CTNNA2: variants seen among roughly 807,000 people sequenced by gnomAD.
The protein encoded by CTNNA2 is catenin alpha-2.
In CTNNA2, 42 loss-of-function variants were observed where a neutral mutation model predicts 101.0. The observed-to-expected ratio is 0.42, with a 90% confidence interval of 0.32 to 0.54. The LOEUF is 0.54. Among genes scored for constraint, CTNNA2 ranks in the 20% least tolerant of loss-of-function variants. CTNNA2 has a pLI of 0.14. For synonymous variants in CTNNA2, 450 were observed against 456.4 expected (o/e 0.99, Z 0.18); for missense variants, 871 against 1,223.1 (o/e 0.71, Z 4.29).
At chr2:79,728,293 C>T (rs1686986813) in intron 2 of CTNNA2, among the ~76,000 whole-genome samples, 1 of 152,116 alleles carries the variant, frequency 6.6e-6, no homozygotes, top group African/African-American at 2.4e-5. Context: ...GATGGTATCT[C>T]ATTGTGGTTT....
At position 79,195,293 on chromosome 2, in the gene CTNNA2, C is replaced by T. The variant is rs193065576; in HGVS notation, c.-523-2666C>T. On this transcript the variant is annotated intron_variant, in intron 1 of 21. Coordinates refer to the CTNNA2 transcript ENST00000466387. ...ATAGCACCAAATGCAGAAATGGGAC[C>T]CTTTTCAGAATATTTCATCAGGAAC... is the stretch of plus-strand genomic sequence containing the variant. Among the ~76,000 whole-genome samples the T allele has an allele frequency of 2.6e-5, 4 of 152,248 alleles. 1 individual carries two copies. The highest frequency in any genetic ancestry group is 2.6e-4 in the Admixed American group (4 of 15,290).
intron 7 of CTNNA2, among the ~76,000 whole-genome samples, chr2:80,140,181 G>C (rs139671013): frequency 2.0e-5 from 3 of 152,182 alleles, no homozygotes; most frequent in African/African-American, 7.2e-5. Context: ...AGTCAGGCAC[G>C]AAAGTGTTAA....
At chr2:80,016,723 G>T (rs529129441) in intron 7 of CTNNA2, among the ~76,000 whole-genome samples, 1 of 152,156 alleles carries the variant, frequency 6.6e-6, no homozygotes, top group East Asian at 1.9e-4. Flanking sequence ...TCTTTTGGTT[G>T]GTTTGTTTTT....
chr2:79,334,825 T>G (rs2104421844), intron 3 of CTNNA2, among the ~76,000 whole-genome samples: 1 of 152,274 alleles, frequency 6.6e-6, no homozygotes, highest in Non-Finnish European at 1.5e-5. Context: ...AAAAGCACTT[T>G]CTATGTATCT....
chr2:79,404,627 C>G (rs995689408), intron 4 of CTNNA2, among the ~76,000 whole-genome samples: 2 of 151,930 alleles, frequency 1.3e-5, no homozygotes, highest in Non-Finnish European at 2.9e-5. Flanking sequence ...TTCTAAAGTC[C>G]AAAAATTCCT....
intron 7 of CTNNA2, among the ~76,000 whole-genome samples, chr2:80,081,831 T>C (rs1699173769): frequency 6.6e-6 from 1 of 151,878 alleles, no homozygotes; most frequent in Non-Finnish European, 1.5e-5. Flanking sequence ...ACCAACAACA[T>C]AGCCAAGTAT....
At chr2:80,483,312 C>A (rs956652818) in intron 9 of CTNNA2, among the ~76,000 whole-genome samples, 1 of 150,786 alleles carries the variant, frequency 6.6e-6, no homozygotes, top group Non-Finnish European at 1.5e-5. Flanking sequence ...CATTTTATAT[C>A]TTTTAATCAG....
chr2:79,963,713 C>A (rs1417567121), intron 7 of CTNNA2, among the ~76,000 whole-genome samples: 1 of 152,166 alleles, frequency 6.6e-6, no homozygotes, highest in Non-Finnish European at 1.5e-5. Context: ...AAACAATGGG[C>A]TAAGTAATTA....
At chr2:80,523,207 A>G (rs772015588) in intron 9 of CTNNA2, among the ~76,000 whole-genome samples, 1 of 152,186 alleles carries the variant, frequency 6.6e-6, no homozygotes, top group African/African-American at 2.4e-5. Flanking sequence ...AATCTTGAAC[A>G]TGTCAAGCAG....
rs555036631 is a variant in CTNNA2 at position 80,139,484 on chromosome 2, G to A, written c.1056+229687G>A. On this transcript the variant is annotated intron_variant, in intron 7 of 18. Coordinates refer to ENST00000402739, the MANE Select transcript of CTNNA2 (RefSeq NM_001282597.3). ...CACAACACCAAGATTTTACTGCTTAGGATCTGTCTGTAAAGGCAATGGAGA... is the reference window on the plus strand; with the variant it reads ...CACAACACCAAGATTTTACTGCTTAAGATCTGTCTGTAAAGGCAATGGAGA... Among the ~76,000 whole-genome samples the A allele has an allele frequency of 3.3e-5, 5 of 152,040 alleles. No homozygotes were observed. The South Asian group carries it at 8.3e-4, about 25-fold the overall frequency.
chr2:79,957,338 T>G (rs1689308042), intron 7 of CTNNA2, among the ~76,000 whole-genome samples: 1 of 152,196 alleles, frequency 6.6e-6, no homozygotes, highest in South Asian at 2.1e-4. Flanking sequence ...GAAAGCATCT[T>G]CCATGTCTCT....
At chr2:80,520,346 A>G (rs773365425) in intron 9 of CTNNA2, among the ~76,000 whole-genome samples, 24 of 152,092 alleles carry the variant, frequency 1.6e-4, no homozygotes, top group Non-Finnish European at 2.6e-4. Context: ...TAGAAGTGCA[A>G]GGAGAGAACT....
chr2:79,394,302 G>A (rs534899436), intron 4 of CTNNA2, among the ~76,000 whole-genome samples: 21 of 152,256 alleles, frequency 1.4e-4, no homozygotes, highest in Non-Finnish European at 2.8e-4. Flanking sequence ...ACTGCTCCTG[G>A]CAGCACAGCT....
At chr2:79,312,648 C>A (rs189113752) in intron 2 of CTNNA2, 3 of 152,248 alleles carry the variant, frequency 2.0e-5, no homozygotes, top group Non-Finnish European at 2.9e-5. Context: ...GTAGATGAAA[C>A]CTTTGGTAAT....
At chr2:79,386,160 C>G (rs916679926) in intron 4 of CTNNA2, among the ~76,000 whole-genome samples, 1 of 152,112 alleles carries the variant, frequency 6.6e-6, no homozygotes, top group African/African-American at 2.4e-5. Context: ...AGTGTAAAAG[C>G]GTTCAATAGG....
rs190857781 is a variant in CTNNA2 at position 79,820,015 on chromosome 2, G to T, written c.299-37998G>T. 5.3e-5 allele frequency among the ~76,000 whole-genome samples: 8 copies of T among 152,100 alleles called. No homozygotes were observed. In the East Asian group the frequency reaches 1.4e-3, roughly 26 times the overall value. On this transcript the variant is annotated intron_variant, in intron 3 of 18. Transcript: ENST00000402739. The stretch of plus-strand genomic sequence containing the variant: ...ACTGTAAGGAAAATCTTAGTTCATC[G>T]TCTAGTTGGTTTATTTACCACTCAC...
intron 2 of CTNNA2, among the ~76,000 whole-genome samples, chr2:79,656,022 G>A (rs1331275377): frequency 6.6e-6 from 1 of 152,082 alleles, no homozygotes; most frequent in African/African-American, 2.4e-5. Context: ...ATTTGGCACT[G>A]TAAGTAGTCT....
At chr2:80,509,671 A>G (rs1164822388) in intron 9 of CTNNA2, among the ~76,000 whole-genome samples, 2 of 152,174 alleles carry the variant, frequency 1.3e-5, no homozygotes, top group African/African-American at 2.4e-5. Flanking sequence ...GGGCCCTTCT[A>G]TCACCCAGGG....
rs576177533 is a variant in CTNNA2, at chr2:79,387,140, T to C, written c.-135+13127T>C. ...TTTCTGTCTAATTTCCCTGGAAATA[T>C]GAAGAATTGGAGTTTTCTTTAGATT... On this transcript the variant is annotated intron_variant, in intron 4 of 21. Coordinates refer to the CTNNA2 transcript ENST00000466387. 3.5e-4 allele frequency among the ~76,000 whole-genome samples: 53 copies of C among 152,322 alleles called. No homozygotes were observed. In the Middle Eastern group the frequency reaches 0.014, roughly 39 times the overall value.
Sources: allele counts gnomAD v4.1 joint callset (sites outside exome capture counted in the v4.1 genomes callset), GRCh38; gene constraint gnomAD v4.1.1; transcripts MANE v1.5; gene names NCBI Gene and HGNC (gene_info 2026-07-23, HGNC 2026-07-21).